The following EIF2AK4 variants were observed in gnomAD, a reference collection of about 807,000 sequenced individuals.
EIF2AK4 encodes eIF-2-alpha kinase GCN2.
Under a neutral mutation model 211.1 loss-of-function variants are expected in EIF2AK4, and 139 were observed. That is an observed-to-expected ratio of 0.66 (90% CI 0.57 to 0.76). EIF2AK4 has a LOEUF of 0.76. EIF2AK4 is among the 30% of genes least tolerant of loss of function. EIF2AK4 has a pLI of 0.00. For missense variants in EIF2AK4, 1,664 were observed against 2,043.8 expected (o/e 0.81, Z 3.58); for synonymous variants, 710 against 751.3 (o/e 0.94, Z 0.90).
rs1343021008 is a variant in EIF2AK4, at chr15:39,967,796, C to T, written c.1470C>T (p.Ser490=). ...GGCGTCTTGGCCTTCTGCTGCTGTC[C>T]CTCAGCCAAGGACAGGAATGTGGAG... ...DVWRLGLLLL[S]LSQGQECGEY... The change falls in exon 9 of 39, where the codon TCC becomes TCT. Residue 490 remains serine, a synonymous_variant. Transcript: ENST00000263791. The T allele has an allele frequency of 6.2e-7, 1 of 1,614,184 alleles. No individual in the cohort carries two copies. The highest frequency in any genetic ancestry group is 2.2e-5 in the East Asian group (1 of 44,888).
chr15:40,028,245 T>G (rs112907906), intron 33 of EIF2AK4, among the ~76,000 whole-genome samples: 1 of 152,116 alleles, frequency 6.6e-6, no homozygotes, highest in African/African-American at 2.4e-5. Flanking sequence ...GCTAATTTTT[T>G]TAAATTATTT....
chr15:39,939,262 A>G (rs1036338960), intron 1 of EIF2AK4, among the ~76,000 whole-genome samples: 3 of 152,352 alleles, frequency 2.0e-5, no homozygotes, highest in South Asian at 2.1e-4. Flanking sequence ...ATCTGAACGA[A>G]TGGAAGCTGA....
intron 18 of EIF2AK4, among the ~76,000 whole-genome samples, chr15:39,994,873 C>T (rs917179090): frequency 1.3e-5 from 2 of 152,034 alleles, no homozygotes; most frequent in Non-Finnish European, 2.9e-5. Flanking sequence ...TGGAGTCTTG[C>T]TCTTTTCGCC....
At chr15:39,997,190 T>G (rs2035029735) in intron 19 of EIF2AK4, 125 bp downstream of exon 19, 3 of 702,678 alleles carry the variant, frequency 4.3e-6, no homozygotes, top group Non-Finnish European at 7.4e-6. Context: ...ACTGTAATTT[T>G]AATGACTCAT....
At position 39,939,615 on chromosome 15, in the gene EIF2AK4, T is replaced by C; in HGVS notation, c.255T>C (p.Asp85=). 6.2e-7 allele frequency: 1 copy of C among 1,601,648 alleles called. No homozygotes were observed. The highest frequency in any genetic ancestry group is 1.1e-5 in the South Asian group (1 of 88,830). ...TTAAATGCCCACCTACCTATCCAGATGTGTGAGTACATTTATAAATAGCTT... is the reference window on the plus strand; with the variant it reads ...TTAAATGCCCACCTACCTATCCAGACGTGTGAGTACATTTATAAATAGCTT... The part of the protein sequence containing the change: ...LRVKCPPTYP[D]VVPEIELKNA... Residue 85 remains aspartate, a splice_region_variant and synonymous_variant, in exon 2 of 39, where the codon GAT becomes GAC. Coordinates refer to ENST00000263791, the MANE Select transcript of EIF2AK4 (RefSeq NM_001013703.4).
chr15:40,016,428 G>A, intron 27 of EIF2AK4, 74 bp from the exon 28 acceptor site: 1 of 1,556,348 alleles, frequency 6.4e-7, no homozygotes, highest in Non-Finnish European at 8.8e-7. Flanking sequence ...GCTCCTGCAG[G>A]TGCACACAGT....
intron 12 of EIF2AK4, 187 bp downstream of exon 12, chr15:39,977,031 C>T (rs1595404516): frequency 3.2e-6 from 2 of 622,580 alleles, no homozygotes; most frequent in East Asian, 3.5e-5. Flanking sequence ...GCTGCAACAT[C>T]CGCCTCCCGG....
At position 39,944,924 on chromosome 15, in the gene EIF2AK4, C is replaced by G. The variant is rs916983053; in HGVS notation, c.360+1439C>G. Among the ~76,000 whole-genome samples the G allele has an allele frequency of 2.0e-5, 3 of 152,212 alleles. No homozygotes were observed. In the East Asian group the frequency reaches 5.8e-4, roughly 29 times the overall value. ...TGCCTTTTAGTTGTAAAAATTGTGTCCATTTAAGTTGCTGCTTCCAAGAAC... is the reference window on the plus strand; with the variant it reads ...TGCCTTTTAGTTGTAAAAATTGTGTGCATTTAAGTTGCTGCTTCCAAGAAC... On this transcript the variant is annotated intron_variant, in intron 3 of 38. Coordinates refer to ENST00000263791, the MANE Select transcript of EIF2AK4 (RefSeq NM_001013703.4).
chr15:40,013,848 G>A (rs2035270683), intron 27 of EIF2AK4, among the ~76,000 whole-genome samples: 1 of 152,076 alleles, frequency 6.6e-6, no homozygotes, highest in Non-Finnish European at 1.5e-5. Context: ...ATGCCTTCCT[G>A]ACAGTCCCCC....
At chr15:39,947,652 G>A (rs1288023976) in intron 3 of EIF2AK4, among the ~76,000 whole-genome samples, 1 of 152,164 alleles carries the variant, frequency 6.6e-6, no homozygotes, top group Non-Finnish European at 1.5e-5. Flanking sequence ...AACCAATCAG[G>A]CAGTTATAAG....
chr15:39,951,926 C>G (rs1336870729), intron 4 of EIF2AK4, among the ~76,000 whole-genome samples: 5 of 152,224 alleles, frequency 3.3e-5, no homozygotes, highest in African/African-American at 7.2e-5. Flanking sequence ...ATACTACGTT[C>G]TATTTGTCAA....
intron 1 of EIF2AK4, 35 bp downstream of exon 1, chr15:39,934,374 G>A (rs752447367): frequency 4.0e-5 from 63 of 1,580,150 alleles, no homozygotes; most frequent in Admixed American, 2.2e-4. Context: ...GGGCTGGCGT[G>A]CCCTGGCCTC....
chr15:40,015,526 G>T (rs2035292625), intron 27 of EIF2AK4, among the ~76,000 whole-genome samples: 2 of 152,106 alleles, frequency 1.3e-5, no homozygotes, highest in South Asian at 4.1e-4. Context: ...CCGCCCACAT[G>T]ATTCAGTTAC....
intron 34 of EIF2AK4, among the ~76,000 whole-genome samples, chr15:40,029,968 T>C (rs1468702220): frequency 6.6e-6 from 1 of 152,204 alleles, no homozygotes; most frequent in Non-Finnish European, 1.5e-5. Flanking sequence ...AATTGAGTCT[T>C]TCCCATTCTC....
intron 33 of EIF2AK4, among the ~76,000 whole-genome samples, chr15:40,029,015 G>A (rs2035503039): frequency 6.6e-6 from 1 of 152,116 alleles, no homozygotes; most frequent in South Asian, 2.1e-4. Flanking sequence ...GTTCTCCTGT[G>A]GGTGGTTGCC....
intron 27 of EIF2AK4, among the ~76,000 whole-genome samples, chr15:40,014,133 C>A (rs12050884): frequency 0.25 from 38,692 of 152,208 alleles, 5,214 homozygotes; most frequent in Admixed American, 0.34. Flanking sequence ...CTCCATGTCT[C>A]ACACCCAGGT....
At position 40,007,891 on chromosome 15, in the gene EIF2AK4, T is replaced by C. The variant is rs2279581; in HGVS notation, c.3408-136T>C. ...AAGGCAAGGCTGTTCCAGGTCAAATTTGTCTTTCAGTCCTCTTGATCATAC... is the reference window on the plus strand; with the variant it reads ...AAGGCAAGGCTGTTCCAGGTCAAATCTGTCTTTCAGTCCTCTTGATCATAC... On this transcript the variant is annotated intron_variant, in intron 24 of 38. Transcript: ENST00000263791. 547,884 of 616,232 alleles carry C rather than the reference T, an allele frequency of 0.89. 245,548 individuals carry two copies. The highest frequency in any genetic ancestry group is 0.92 in the Non-Finnish European group (364,856 of 397,818). 38.2% of individuals were successfully genotyped at this position (616,232 alleles called of 1,614,324 possible).
intron 30 of EIF2AK4, among the ~76,000 whole-genome samples, chr15:40,019,873 G>C (rs1166425088): frequency 6.6e-6 from 1 of 152,086 alleles, no homozygotes; most frequent in Non-Finnish European, 1.5e-5. Flanking sequence ...AAAACTTCTT[G>C]TTCAGGCCAG....
At chr15:39,971,845 T>C (rs531700624) in intron 9 of EIF2AK4, among the ~76,000 whole-genome samples, 59 of 152,336 alleles carry the variant, frequency 3.9e-4, no homozygotes, top group African/African-American at 1.4e-3. Context: ...CAGATCACTG[T>C]CCAAACCTCC....
Sources: gnomAD v4.1 joint callset for allele counts (sites outside exome capture counted in the v4.1 genomes callset) on GRCh38, gnomAD v4.1.1 for gene constraint, MANE v1.5 for transcripts, NCBI Gene and HGNC (gene_info 2026-07-23, HGNC 2026-07-21) for gene names.